The following CNTNAP4 variants were observed in gnomAD, a reference collection of about 807,000 sequenced individuals.
CNTNAP4 encodes contactin associated protein family member 4.
In CNTNAP4, 98 loss-of-function variants were observed where a neutral mutation model predicts 148.4. That is an observed-to-expected ratio of 0.66 (90% CI 0.56 to 0.78). The LOEUF (loss-of-function observed/expected upper bound fraction) is 0.78, where lower values mean the gene tolerates loss of function less well. Among genes scored for constraint, CNTNAP4 ranks in the 30% least tolerant of loss-of-function variants. The probability of loss-of-function intolerance (pLI) is 0.00; values close to 1 mark genes in which losing one functional copy is unlikely to be tolerated. For synonymous variants in CNTNAP4, 730 were observed against 565.1 expected, an observed-to-expected ratio of 1.29 and a Z score of -4.14; for missense variants, 1,935 against 1,565.6, an observed-to-expected ratio of 1.24 and a Z score of -3.98.
intron 12 of CNTNAP4, among the ~76,000 whole-genome samples, chr16:76,484,061 A>G (rs1039596468): frequency 6.6e-6 from 1 of 150,932 alleles, no homozygotes; most frequent in African/African-American, 2.4e-5. Context: ...TTTATATTAC[A>G]TAGCAAATTA....
At chr16:76,366,796 A>G (rs1199929547) in intron 3 of CNTNAP4, among the ~76,000 whole-genome samples, 2 of 152,212 alleles carry the variant, frequency 1.3e-5, no homozygotes, top group South Asian at 4.1e-4. Flanking sequence ...AAAATGTAAT[A>G]GAATATGTAC....
intron 4 of CNTNAP4, among the ~76,000 whole-genome samples, chr16:76,446,691 AAAATAGTATTGCCCTT>A (rs2080261299): frequency 6.6e-6 from 1 of 152,194 alleles, no homozygotes; most frequent in African/African-American, 2.4e-5. Flanking sequence ...GAGAAGACAG[AAAATAGTATTGCCCTT>A]AAATACTACC....
intron 2 of CNTNAP4, among the ~76,000 whole-genome samples, chr16:76,341,922 G>A (rs1007803858): frequency 6.6e-5 from 10 of 152,146 alleles, no homozygotes; most frequent in Non-Finnish European, 1.0e-4. Context: ...ATGTCCTATC[G>A]AGTCACAGAA....
At chr16:76,372,482 G>T (rs58757294) in intron 3 of CNTNAP4, among the ~76,000 whole-genome samples, 9 of 151,972 alleles carry the variant, frequency 5.9e-5, no homozygotes, top group African/African-American at 2.2e-4. Flanking sequence ...GTTGTAGCTC[G>T]CATGATTTCC....
At chr16:76,438,348 G>A (rs2079911472) in intron 4 of CNTNAP4, among the ~76,000 whole-genome samples, 4 of 152,092 alleles carry the variant, frequency 2.6e-5, no homozygotes, top group Admixed American at 2.6e-4. Flanking sequence ...ACGTAGGGCT[G>A]GAAGGGGACC....
intron 12 of CNTNAP4, among the ~76,000 whole-genome samples, chr16:76,488,230 A>G (rs1339827565): frequency 6.6e-6 from 1 of 152,166 alleles, no homozygotes; most frequent in African/African-American, 2.4e-5. Context: ...CTAAGGGCAC[A>G]AGATCCATGC....
Position 76,377,043 on chromosome 16 carries a change from C to T in CNTNAP4, c.390+21532C>T, listed in dbSNP as rs577395740. On this transcript the variant is annotated intron_variant, in intron 3 of 23. Transcript: ENST00000611870. Reference sequence around the variant, plus strand: ...GTGCAATCGACAGGCTTGGCAAGTCCAAAATCTGCAGGGTAGGCTGGCAGG... The same window carrying T: ...GTGCAATCGACAGGCTTGGCAAGTCTAAAATCTGCAGGGTAGGCTGGCAGG... 4.0e-5 allele frequency among the ~76,000 whole-genome samples: 6 copies of T among 151,648 alleles called. No individual in the cohort carries two copies. In the South Asian group the frequency reaches 1.0e-3, roughly 26 times the overall value.
At chr16:76,489,177 G>A (rs1384053153) in intron 12 of CNTNAP4, among the ~76,000 whole-genome samples, 1 of 152,122 alleles carries the variant, frequency 6.6e-6, no homozygotes, top group East Asian at 1.9e-4. Flanking sequence ...GAGTAGAAAA[G>A]GGGCTGCTTA....
chr16:76,321,246 G>A (rs546900291), intron 2 of CNTNAP4, among the ~76,000 whole-genome samples: 1 of 152,314 alleles, frequency 6.6e-6, no homozygotes, highest in South Asian at 2.1e-4. Flanking sequence ...TTAATTGACA[G>A]AGATAACTCC....
chr16:76,557,876 A>C (rs2144450806), intron 23 of CNTNAP4: 1 of 152,314 alleles, frequency 6.6e-6, no homozygotes, highest in South Asian at 2.1e-4. Flanking sequence ...CTACTGACCT[A>C]ATATAATGCC....
chr16:76,309,844 G>C (rs1294601252), intron 1 of CNTNAP4: 11 of 700,618 alleles, frequency 1.6e-5, no homozygotes, highest in Non-Finnish European at 1.8e-5. Context: ...TTCCGCTTTT[G>C]CTGCTTCCTC....
chr16:76,342,340 T>C lies in CNTNAP4; in HGVS notation c.197-12978T>C, dbSNP rs184005967. On this transcript the variant is annotated intron_variant, in intron 2 of 23. Transcript: ENST00000611870. ...AACACAATATTCTTCTTCTCAGTTA[T>C]GCATCTGTTGAAGGAAAAACTGGCA... Among the ~76,000 whole-genome samples, 9 of 152,296 alleles carry C rather than the reference T, an allele frequency of 5.9e-5. No homozygotes were observed. In the East Asian group the frequency reaches 1.2e-3, roughly 20 times the overall value.
chr16:76,339,638 T>C (rs11866681), intron 2 of CNTNAP4, among the ~76,000 whole-genome samples: 9,860 of 152,230 alleles, frequency 0.065, 1,062 homozygotes, highest in African/African-American at 0.23. Context: ...TTTACTTTTG[T>C]TATGGGAAAG....
chr16:76,465,803 A>T lies in CNTNAP4; in HGVS notation c.1484-1549A>T, dbSNP rs529593700. 1.4e-4 allele frequency among the ~76,000 whole-genome samples: 22 copies of T among 152,318 alleles called. No individual in the cohort carries two copies. In the South Asian group the frequency reaches 4.6e-3, roughly 32 times the overall value. ...AGCTTTGATGAATTTTTCTTGATATATTAAATTTGAAACTTCAAAGTCTCC... is the reference window on the plus strand; with the variant it reads ...AGCTTTGATGAATTTTTCTTGATATTTTAAATTTGAAACTTCAAAGTCTCC... On this transcript the variant is annotated intron_variant, in intron 9 of 23. Coordinates refer to ENST00000611870, the MANE Select transcript of CNTNAP4 (RefSeq NM_033401.5).
chr16:76,502,046 G>T (rs1212604325), intron 15 of CNTNAP4, among the ~76,000 whole-genome samples: 4 of 150,920 alleles, frequency 2.7e-5, no homozygotes, highest in Non-Finnish European at 5.9e-5. Context: ...TCCAGCCTGG[G>T]CGACAGAGCG....
chr16:76,414,951 C>A (rs1305439126), intron 3 of CNTNAP4, among the ~76,000 whole-genome samples: 1 of 129,806 alleles, frequency 7.7e-6, no homozygotes, highest in Non-Finnish European at 1.7e-5. Flanking sequence ...TTTCAAAAAC[C>A]AACTTGTGTT....
At chr16:76,485,298 G>T (rs147261216) in intron 12 of CNTNAP4, among the ~76,000 whole-genome samples, 1 of 151,612 alleles carries the variant, frequency 6.6e-6, no homozygotes, top group Admixed American at 6.6e-5. Context: ...TGTATTTTTC[G>T]TAGAGATGGG....
chr16:76,326,916 T>A (rs1207798226), intron 2 of CNTNAP4, among the ~76,000 whole-genome samples: 1 of 152,000 alleles, frequency 6.6e-6, no homozygotes, highest in Non-Finnish European at 1.5e-5. Flanking sequence ...AACCTGCACG[T>A]TGTGCACATG....
chr16:76,441,780 C>G (rs1165872704), intron 4 of CNTNAP4, among the ~76,000 whole-genome samples: 1 of 152,148 alleles, frequency 6.6e-6, no homozygotes, highest in Non-Finnish European at 1.5e-5. Context: ...GCACCTTTTC[C>G]TGCCCAATAT....
Sources: allele counts gnomAD v4.1 joint callset (sites outside exome capture counted in the v4.1 genomes callset), GRCh38; gene constraint gnomAD v4.1.1; transcripts MANE v1.5; gene names NCBI Gene and HGNC (gene_info 2026-07-23, HGNC 2026-07-21).